SDK1: variants seen among roughly 807,000 people sequenced by gnomAD.
SDK1 encodes sidekick cell adhesion molecule 1.
A neutral mutation model predicts 245.5 loss-of-function variants in SDK1; 157 were observed. The observed-to-expected ratio is 0.64, with a 90% confidence interval of 0.56 to 0.73. The LOEUF (loss-of-function observed/expected upper bound fraction) is 0.73. Ranked by LOEUF, SDK1 falls within the 30% of genes least tolerant of loss-of-function variation. The pLI is 0.00. For synonymous variants in SDK1, 1,647 were observed against 1,278.5 expected (o/e 1.29, Z -6.15); for missense variants, 3,583 against 3,002.3 (o/e 1.19, Z -4.52).
At chr7:3,643,190 C>T (rs569364412) in intron 4 of SDK1, 1 of 151,676 alleles carries the variant, frequency 6.6e-6, no homozygotes, top group South Asian at 2.1e-4. Context: ...TTCCTGAAGG[C>T]TCATGATTCT....
intron 22 of SDK1, among the ~76,000 whole-genome samples, chr7:4,085,048 G>A (rs1376518129): frequency 1.3e-5 from 2 of 152,146 alleles, no homozygotes; most frequent in East Asian, 1.9e-4. Flanking sequence ...ACAGGTGTGA[G>A]CCCACTGCGC....
At chr7:3,364,235 C>CT (rs1244264929) in intron 1 of SDK1, among the ~76,000 whole-genome samples, 4 of 152,166 alleles carry the variant, frequency 2.6e-5, no homozygotes, top group Admixed American at 2.0e-4. Flanking sequence ...TCTGTAGACT[C>CT]TATTTCCATT....
intron 2 of SDK1, among the ~76,000 whole-genome samples, chr7:3,620,366 G>A (rs966532535): frequency 2.6e-5 from 4 of 151,494 alleles, no homozygotes; most frequent in Non-Finnish European, 4.4e-5. Flanking sequence ...GCAGTGGCGC[G>A]ATCTTGGCTC....
chr7:3,898,365 A>G (rs1781674566), intron 5 of SDK1, among the ~76,000 whole-genome samples: 1 of 152,230 alleles, frequency 6.6e-6, no homozygotes, highest in African/African-American at 2.4e-5. Context: ...GCTGTCCGGT[A>G]CAATGTCACA....
At chr7:3,407,679 A>G (rs1042732474) in intron 1 of SDK1, among the ~76,000 whole-genome samples, 1 of 152,218 alleles carries the variant, frequency 6.6e-6, no homozygotes, top group Non-Finnish European at 1.5e-5. Context: ...TGGATACTAT[A>G]AATTGAAGAT....
intron 5 of SDK1, among the ~76,000 whole-genome samples, chr7:3,893,455 T>C (rs1781512835): frequency 6.6e-6 from 1 of 152,002 alleles, no homozygotes; most frequent in South Asian, 2.1e-4. Flanking sequence ...GCATGCAAAC[T>C]CAAGTAGCTG....
At position 3,332,567 on chromosome 7, in the gene SDK1, T is replaced by TTGCCATTTATAATAAATGTAAATGGCC. The variant is rs1197306295; in HGVS notation, c.298+30694_298+30720dup. Reference sequence around the variant, plus strand: ...TATCTATTTGGAAAAACAACTTTTATTGCCATTTATAATAAATGTAAATGG... The same window carrying TTGCCATTTATAATAAATGTAAATGGCC: ...TATCTATTTGGAAAAACAACTTTTATTGCCATTTATAATAAATGTAAATGGCCTGCCATTTATAATAAATGTAAATGG... On this transcript the variant is annotated intron_variant, in intron 1 of 44. Coordinates refer to ENST00000404826, the MANE Select transcript of SDK1 (RefSeq NM_152744.4). Among the ~76,000 whole-genome samples the TTGCCATTTATAATAAATGTAAATGGCC allele has an allele frequency of 4.3e-4, 65 of 152,330 alleles. No homozygotes were observed. The East Asian group carries it at 6.9e-3, about 16-fold the overall frequency.
Position 4,113,284 on chromosome 7 carries a change from T to C in SDK1, c.3435-5T>C, listed in dbSNP as rs1783469130. 1.2e-6 allele frequency: 2 copies of C among 1,611,586 alleles called. No individual in the cohort carries two copies. Among genetic ancestry groups the C allele is most frequent in the South Asian group, 1.1e-5 (1 of 90,686 alleles). Reference sequence around the variant, plus strand: ...CGTGACTCTCATCAGTGGTTTTTCCTTTAGATTTCGAATGAAGCAAGTGAA... The same window carrying C: ...CGTGACTCTCATCAGTGGTTTTTCCCTTAGATTTCGAATGAAGCAAGTGAA... On this transcript the variant is annotated splice_region_variant and splice_polypyrimidine_tract_variant and intron_variant, in intron 23 of 44. Coordinates refer to ENST00000404826, the MANE Select transcript of SDK1 (RefSeq NM_152744.4).
intron 20 of SDK1, among the ~76,000 whole-genome samples, chr7:4,071,697 G>T (rs1780267586): frequency 6.6e-6 from 1 of 152,176 alleles, no homozygotes; most frequent in African/African-American, 2.4e-5. Context: ...CCATTCGGAA[G>T]AAGAAGACTT....
chr7:4,050,123 C>T (rs1789335297), intron 18 of SDK1, among the ~76,000 whole-genome samples: 1 of 152,174 alleles, frequency 6.6e-6, no homozygotes, highest in Admixed American at 6.5e-5. Context: ...ACAATAGGTC[C>T]ACTAATCGTC....
chr7:3,729,094 A>G lies in SDK1; in HGVS notation c.713+86989A>G, dbSNP rs79704031. On this transcript the variant is annotated intron_variant, in intron 4 of 44. Transcript: ENST00000404826. ...ATTTGCTTTAACCATACTGGGCAAC[A>G]TTGTCCTTGCCTGGAGGATGTTTAT... is the stretch of plus-strand genomic sequence containing the variant. Among the ~76,000 whole-genome samples the G allele has an allele frequency of 2.6e-5, 4 of 152,272 alleles. No homozygotes were observed. In the East Asian group the frequency reaches 7.7e-4, roughly 29 times the overall value.
At chr7:3,741,582 C>A (rs115794840) in intron 4 of SDK1, among the ~76,000 whole-genome samples, 2 of 152,142 alleles carry the variant, frequency 1.3e-5, no homozygotes, top group Non-Finnish European at 2.9e-5. Flanking sequence ...TTTAATACTA[C>A]AGATTTGTGC....
In SDK1 at chr7:3,381,984, G is replaced by T. The variant is rs1006453268; in HGVS notation, c.298+80100G>T. The stretch of plus-strand genomic sequence containing the variant: ...AAAAGCAGTTAAAACTTAACCGTTC[G>T]TCTTAAAGTAATTTATAACTAATAC... On this transcript the variant is annotated intron_variant, in intron 1 of 44. Coordinates refer to ENST00000404826, the MANE Select transcript of SDK1 (RefSeq NM_152744.4). Among the ~76,000 whole-genome samples, 10 of 152,212 alleles carry T rather than the reference G, an allele frequency of 6.6e-5. No individual in the cohort carries two copies. The Middle Eastern group carries it at 0.01, about 155-fold the overall frequency.
chr7:3,854,102 G>C (rs573677298), intron 5 of SDK1, among the ~76,000 whole-genome samples: 1 of 152,084 alleles, frequency 6.6e-6, no homozygotes, highest in Non-Finnish European at 1.5e-5. Flanking sequence ...GTATGGAATA[G>C]GGGTTATAAC....
At chr7:3,713,378 G>A (rs1006407196) in intron 4 of SDK1, among the ~76,000 whole-genome samples, 20 of 152,132 alleles carry the variant, frequency 1.3e-4, no homozygotes, top group Admixed American at 8.5e-4. Flanking sequence ...AGCCTACAAA[G>A]AACTTAAAAC....
In SDK1 at chr7:4,026,969, G is replaced by A. The variant is rs1787402862; in HGVS notation, c.2602+9617G>A. Among the ~76,000 whole-genome samples the A allele has an allele frequency of 1.3e-5, 2 of 152,198 alleles. No homozygotes were observed. Among genetic ancestry groups the A allele is most frequent in the South Asian group, 4.1e-4 (2 of 4,830 alleles). On this transcript the variant is annotated intron_variant, in intron 17 of 44. Transcript: ENST00000404826. This position sits in a 1 kb window ranked among gnomAD's most constrained non-coding sequence, Gnocchi z 4.1. ...ATGGACACCTGTGAATCCCTGCTGT[G>A]TTCTGGATAGATGCATCAGTCCCTT... is the stretch of plus-strand genomic sequence containing the variant.
At chr7:4,105,658 G>C (rs1344700447) in intron 22 of SDK1, among the ~76,000 whole-genome samples, 1 of 152,168 alleles carries the variant, frequency 6.6e-6, no homozygotes. Context: ...CTGTGCTGGG[G>C]GTACTCTGAA....
At chr7:3,454,058 G>T (rs1449446169) in intron 1 of SDK1, among the ~76,000 whole-genome samples, 1 of 152,054 alleles carries the variant, frequency 6.6e-6, no homozygotes, top group Non-Finnish European at 1.5e-5. Context: ...TTCATTAAAA[G>T]GCTAACTTTT....
intron 14 of SDK1, among the ~76,000 whole-genome samples, chr7:4,000,985 A>G (rs1785033129): frequency 6.6e-6 from 1 of 152,024 alleles, no homozygotes. Context: ...ACTTCCTGTT[A>G]GCTTCCTGCC....
Sources: allele counts gnomAD v4.1 joint callset (sites outside exome capture counted in the v4.1 genomes callset), GRCh38; gene constraint gnomAD v4.1.1; non-coding constraint Gnocchi (gnomAD v3.1); transcripts MANE v1.5; gene names NCBI Gene and HGNC (gene_info 2026-07-23, HGNC 2026-07-21).